Variants in FRMD3 observed in about 807,000 individuals in gnomAD.
FRMD3 encodes FERM domain-containing protein 3.
FRMD3 carries 33 observed loss-of-function variants against 70.2 expected under a neutral mutation model. The ratio of observed to expected loss-of-function variants is 0.47; its 90% CI spans 0.36 to 0.63. The LOEUF is 0.63. Among genes scored for constraint, FRMD3 ranks in the 20% least tolerant of loss-of-function variants. The pLI is 0.00. For synonymous variants in FRMD3, 279 were observed against 255.9 expected (o/e 1.09, Z -0.86); for missense variants, 632 against 711.4 (o/e 0.89, Z 1.27).
chr9:83,556,665 A>G, the FRMD3 span, among the ~76,000 whole-genome samples: 1 of 152,196 alleles, frequency 6.6e-6, no homozygotes, highest in African/African-American at 2.4e-5. Context: ...CAATTAGCCA[A>G]TTTTAGATTC....
intron 1 of FRMD3, among the ~76,000 whole-genome samples, chr9:83,525,041 A>AT (rs71960570): frequency 0.075 from 11,397 of 152,264 alleles, 518 homozygotes; most frequent in South Asian, 0.11. Flanking sequence ...TTAGTTACTG[A>AT]TTTTTTAAAG....
At chr9:83,324,895 T>C (rs972813027) in intron 6 of FRMD3, among the ~76,000 whole-genome samples, 5 of 152,210 alleles carry the variant, frequency 3.3e-5, no homozygotes, top group Admixed American at 1.3e-4. Flanking sequence ...TCTAAAGTGC[T>C]TGTCAGGGCT....
intron 5 of FRMD3, among the ~76,000 whole-genome samples, chr9:83,340,808 C>T (rs912968770): frequency 5.8e-4 from 89 of 152,282 alleles, no homozygotes; most frequent in African/African-American, 1.7e-3. Flanking sequence ...GTTGCCCAGG[C>T]TAGTATCAAA....
intron 1 of FRMD3, among the ~76,000 whole-genome samples, chr9:83,507,804 T>G (rs893872667): frequency 7.0e-6 from 1 of 143,172 alleles, no homozygotes; most frequent in African/African-American, 2.6e-5. Flanking sequence ...TGTATATAAG[T>G]AGAAGGAGTA....
At chr9:83,255,042 T>A (rs1163124144) in intron 13 of FRMD3, among the ~76,000 whole-genome samples, 1 of 152,166 alleles carries the variant, frequency 6.6e-6, no homozygotes, top group Non-Finnish European at 1.5e-5. Context: ...GAGGGCAGCA[T>A]CATCCTATAC....
chr9:83,311,191 G>A (rs913293285), intron 8 of FRMD3, among the ~76,000 whole-genome samples: 15 of 151,924 alleles, frequency 9.9e-5, no homozygotes, highest in African/African-American at 2.7e-4. Context: ...TCCAGGCTCC[G>A]GGCATTGCCA....
chr9:83,250,330 G>T (rs1405942859), intron 13 of FRMD3, among the ~76,000 whole-genome samples: 1 of 152,196 alleles, frequency 6.6e-6, no homozygotes, highest in Non-Finnish European at 1.5e-5. Context: ...GGCCACCAGG[G>T]CCTTGGGTCT....
chr9:83,407,570 T>C (rs1353721298), intron 1 of FRMD3, among the ~76,000 whole-genome samples: 1 of 152,210 alleles, frequency 6.6e-6, no homozygotes, highest in South Asian at 2.1e-4. Context: ...CTCTTGGATT[T>C]TGTTTTCATA....
At chr9:83,354,864 G>A (rs11140044) in intron 3 of FRMD3, among the ~76,000 whole-genome samples, 3 of 152,006 alleles carry the variant, frequency 2.0e-5, no homozygotes, top group African/African-American at 4.8e-5. Flanking sequence ...CATGAAGTAC[G>A]TGCAATTCTT....
At chr9:83,267,244 G>C (rs1833310372) in intron 13 of FRMD3, 10 of 1,515,102 alleles carry the variant, frequency 6.6e-6, no homozygotes, top group Non-Finnish European at 8.9e-6. Context: ...CCCACTGAAT[G>C]AATCAAATGT....
intron 13 of FRMD3, among the ~76,000 whole-genome samples, chr9:83,248,901 A>T (rs1019169994): frequency 2.6e-5 from 4 of 152,240 alleles, no homozygotes; most frequent in South Asian, 2.1e-4. Context: ...GTAAAACAAC[A>T]GAATCTGTCA....
At chr9:83,516,971 C>A (rs1723922751) in intron 1 of FRMD3, among the ~76,000 whole-genome samples, 2 of 152,084 alleles carry the variant, frequency 1.3e-5, no homozygotes, top group South Asian at 4.1e-4. Context: ...AGCTAAAGCA[C>A]TGTTTAGAGG....
chr9:83,540,190 GT>G (rs1366195307), upstream of FRMD3, among the ~76,000 whole-genome samples: 2 of 152,180 alleles, frequency 1.3e-5, no homozygotes, highest in African/African-American at 4.8e-5. Context: ...CCTGCCCCAA[GT>G]TGAAAACTGG....
chr9:83,404,680 GTA>G (rs1351688075), intron 1 of FRMD3, among the ~76,000 whole-genome samples: 4 of 152,180 alleles, frequency 2.6e-5, no homozygotes, highest in Admixed American at 2.6e-4. Flanking sequence ...ATGTTTGTGT[GTA>G]TATTTATATG....
At chr9:83,337,137 C>A (rs577432272) in intron 5 of FRMD3, among the ~76,000 whole-genome samples, 1 of 152,114 alleles carries the variant, frequency 6.6e-6, no homozygotes, top group Non-Finnish European at 1.5e-5. Context: ...TGTGACTATT[C>A]ACAGCCCCTA....
At chr9:83,574,265 A>T in the FRMD3 span, among the ~76,000 whole-genome samples, 7 of 152,186 alleles carry the variant, frequency 4.6e-5, no homozygotes, top group Non-Finnish European at 7.4e-5. Context: ...ACAACTGGCA[A>T]ACAAAATGAT....
At chr9:83,343,866 T>A (rs1823862002) in intron 4 of FRMD3, among the ~76,000 whole-genome samples, 1 of 152,210 alleles carries the variant, frequency 6.6e-6, no homozygotes, top group Non-Finnish European at 1.5e-5. Context: ...CTCAGATGCC[T>A]ATTGAGGCCA....
At chr9:83,459,317 C>T (rs1009422695) in intron 1 of FRMD3, among the ~76,000 whole-genome samples, 2 of 152,208 alleles carry the variant, frequency 1.3e-5, no homozygotes, top group African/African-American at 4.8e-5. Context: ...CTAGCCCGGC[C>T]TCCTGAATTC....
intron 1 of FRMD3, among the ~76,000 whole-genome samples, chr9:83,398,872 G>T (rs1825874792): frequency 6.6e-6 from 1 of 152,066 alleles, no homozygotes; most frequent in African/African-American, 2.4e-5. Context: ...CAATACCAGG[G>T]CCAGCTACCC....
Sources: gnomAD v4.1 joint callset for allele counts (sites outside exome capture counted in the v4.1 genomes callset) on GRCh38, gnomAD v4.1.1 for gene constraint, MANE v1.5 for transcripts, NCBI Gene and HGNC (gene_info 2026-07-23, HGNC 2026-07-21) for gene names.